Variants in CDC27 observed in about 807,000 individuals in gnomAD.
The protein encoded by CDC27 is cell division cycle protein 27 homolog.
In CDC27, 27 loss-of-function variants were observed where a neutral mutation model predicts 109.7. The observed-to-expected ratio is 0.25, with a 90% CI of 0.18 to 0.34. The LOEUF (loss-of-function observed/expected upper bound fraction) is 0.34, where lower values mean the gene tolerates loss of function less well. Among genes scored for constraint, CDC27 ranks in the 10% least tolerant of loss-of-function variants. The pLI, the probability that CDC27 is intolerant of heterozygous loss-of-function variation, is 1.00. For missense variants in CDC27, 579 were observed against 960.2 expected, an observed-to-expected ratio of 0.60 and a Z score of 5.25; for synonymous variants, 266 against 333.9, an observed-to-expected ratio of 0.80 and a Z score of 2.22.
rs569276352 is a variant in CDC27, at chr17:47,174,057, G to A, written c.104-1993C>T. ...TGCAGTGAGCCGAGATCGTGCCACCGCATTCCAGCCTGGGTGACAGAGTGA... is the reference window on the plus strand; with the variant it reads ...TGCAGTGAGCCGAGATCGTGCCACCACATTCCAGCCTGGGTGACAGAGTGA... On this transcript the variant is annotated intron_variant, in intron 2 of 18. Transcript: ENST00000066544. Among the ~76,000 whole-genome samples the A allele has an allele frequency of 3.1e-3, 467 of 152,378 alleles. 3 individuals are homozygous for A. The highest frequency in any genetic ancestry group is 0.01 in the African/African-American group (431 of 41,590).
intron 4 of CDC27, among the ~76,000 whole-genome samples, chr17:47,160,473 G>A (rs974500465): frequency 5.3e-5 from 8 of 152,110 alleles, no homozygotes; most frequent in South Asian, 2.1e-4. Context: ...TGATCCACCC[G>A]CTTCAGCCTC....
intron 9 of CDC27, among the ~76,000 whole-genome samples, chr17:47,145,108 A>T (rs1473681335): frequency 6.6e-6 from 1 of 152,244 alleles, no homozygotes. Context: ...AAATGGAATA[A>T]ATTTATTCTC....
chr17:47,123,402 CTTTT>C (rs57868315), intron 17 of CDC27, among the ~76,000 whole-genome samples: 1 of 123,002 alleles, frequency 8.1e-6, no homozygotes, highest in Non-Finnish European at 1.7e-5. Flanking sequence ...TTTTTTTCTA[CTTTT>C]TTTTTTTTTT....
At chr17:47,171,802 G>C in intron 3 of CDC27, 115 bp downstream of exon 3, 1 of 677,456 alleles carries the variant, frequency 1.5e-6, no homozygotes, top group Non-Finnish European at 2.4e-6. Context: ...GAATGTTACT[G>C]AAATAGATGG....
chr17:47,136,953 T>C (rs80202554), intron 14 of CDC27, among the ~76,000 whole-genome samples, 199 bp downstream of exon 14: 1 of 152,222 alleles, frequency 6.6e-6, no homozygotes, highest in Non-Finnish European at 1.5e-5. Flanking sequence ...GGTATTCTAT[T>C]ATCATTAGTT....
rs144155421 is a variant in CDC27 at position 47,181,939 on chromosome 17, G to A, written c.28-302C>T. Among the ~76,000 whole-genome samples the A allele has an allele frequency of 1.7e-4, 26 of 152,172 alleles. No individual in the cohort carries two copies. In the East Asian group the frequency reaches 3.9e-3, roughly 23 times the overall value. On this transcript the variant is annotated intron_variant, in intron 1 of 18. Transcript: ENST00000066544. ...ACCAGTCTCCCCTTATAAACTGCTCGTCCCTAAAGATCCAGCTTAAATAAC... is the reference window on the plus strand; with the variant it reads ...ACCAGTCTCCCCTTATAAACTGCTCATCCCTAAAGATCCAGCTTAAATAAC...
intron 1 of CDC27, among the ~76,000 whole-genome samples, chr17:47,183,432 G>A (rs942526839): frequency 2.0e-5 from 3 of 152,158 alleles, no homozygotes; most frequent in African/African-American, 7.2e-5. Context: ...AGTAGTAAAT[G>A]ACTTAGCCCT....
chr17:47,135,403 A>G (rs1454925844), intron 14 of CDC27, among the ~76,000 whole-genome samples: 1 of 150,784 alleles, frequency 6.6e-6, no homozygotes, highest in African/African-American at 2.5e-5. Context: ...TCATGGCCAT[A>G]ACTAGATGAT....
chr17:47,156,374 G>A (rs981747545), intron 7 of CDC27, among the ~76,000 whole-genome samples: 6 of 151,812 alleles, frequency 4.0e-5, no homozygotes, highest in Non-Finnish European at 7.4e-5. Flanking sequence ...TCCTGACCTC[G>A]TGATCTGCCC....
intron 9 of CDC27, among the ~76,000 whole-genome samples, chr17:47,147,077 TA>T (rs1350916300): frequency 6.6e-6 from 1 of 151,564 alleles, no homozygotes; most frequent in Non-Finnish European, 1.5e-5. Flanking sequence ...AGAAAAAAAG[TA>T]AAATTTATAA....
intron 17 of CDC27, among the ~76,000 whole-genome samples, chr17:47,123,234 A>T (rs781529171): frequency 2.1e-4 from 32 of 152,100 alleles, no homozygotes; most frequent in Admixed American, 5.2e-4. Context: ...AGTGATTTTA[A>T]ATTGAGTTAT....
intron 9 of CDC27, among the ~76,000 whole-genome samples, chr17:47,148,154 G>A (rs2063034978): frequency 6.7e-6 from 1 of 149,922 alleles, no homozygotes. Flanking sequence ...GAGCCAGATT[G>A]TGCCACTGCA....
chr17:47,128,771 ATTT>A, intron 16 of CDC27, among the ~76,000 whole-genome samples: 1 of 139,770 alleles, frequency 7.2e-6, no homozygotes, highest in Admixed American at 7.2e-5. Flanking sequence ...TTAATTTTTA[ATTT>A]TTTTTTTTTT....
At position 47,133,427 on chromosome 17, in the gene CDC27, G is replaced by A. The variant is rs557128253; in HGVS notation, c.1914-1053C>T. 2.1e-3 allele frequency among the ~76,000 whole-genome samples: 303 copies of A among 142,330 alleles called. 3 individuals carry two copies. The highest frequency in any genetic ancestry group is 7.4e-3 in the African/African-American group (282 of 38,190). 93.4% of individuals were successfully genotyped at this position (142,330 alleles called of 152,430 possible). A position where few individuals can be genotyped will look rare whatever the true frequency, so the allele number is the denominator to read the frequency against. ...TGCTGGGACTACAGGTGTGAGTCAT[G>A]GTGCCAAGCTGTTTTTTTGTTTTTT... On this transcript the variant is annotated intron_variant, in intron 14 of 18. Transcript: ENST00000066544.
chr17:47,127,690 T>C (rs1378161406), intron 16 of CDC27, among the ~76,000 whole-genome samples: 3 of 151,942 alleles, frequency 2.0e-5, no homozygotes, highest in Non-Finnish European at 2.9e-5. Context: ...CGTGAGCCAC[T>C]GTGCCTGGCC....
chr17:47,170,926 C>T (rs11570468), intron 3 of CDC27: 16,434 of 152,022 alleles, frequency 0.11, 1,314 homozygotes, highest in East Asian at 0.47. Context: ...CATAGTGAGA[C>T]CCCATCTATA....
At chr17:47,152,842 T>A (rs1167035289) in intron 8 of CDC27, among the ~76,000 whole-genome samples, 1 of 152,238 alleles carries the variant, frequency 6.6e-6, no homozygotes, top group East Asian at 1.9e-4. Flanking sequence ...GTCCTGCCAC[T>A]TCATTTGCTG....
chr17:47,154,680 A>T lies in CDC27; in HGVS notation c.949T>A (p.Ser317Thr). The T allele has an allele frequency of 6.4e-7, 1 of 1,555,442 alleles. No individual in the cohort carries two copies. Among genetic ancestry groups the T allele is most frequent in the Admixed American group, 1.7e-5 (1 of 57,470 alleles). The change falls in exon 8 of 19, where the codon TCA becomes ACA. Residue 317 changes from serine (S) to threonine (T), a missense_variant. Physicochemically the swap from Ser to Thr is moderately conservative, Grantham distance 58. Around this residue, in one of 9 missense-constraint regions of CDC27, gnomAD observed 74 missense variants for 148.9 expected, o/e 0.50. Transcript: ENST00000066544. Reference protein sequence around the residue: ...VIDVPSTGAPSKKSVARIGQT... With the variant: ...VIDVPSTGAPTKKSVARIGQT... The stretch of plus-strand genomic sequence containing the variant: ...TTTTACATGGAAAATACCTTTTTTG[A>T]AGGGGCTCCGGTGGATGGCACATCA...
chr17:47,170,016 G>A lies in CDC27; in HGVS notation c.278C>T (p.Ser93Phe), dbSNP rs371549435. 28 of 1,549,948 alleles carry A rather than the reference G, an allele frequency of 1.8e-5. No individual in the cohort carries two copies. Among genetic ancestry groups the A allele is most frequent in the Middle Eastern group, 1.7e-4 (1 of 5,834 alleles). The change falls in exon 4 of 19, where the codon TCT (serine) becomes TTT (phenylalanine). Residue 93 changes from serine to phenylalanine, a missense_variant. By Grantham distance (155) the Ser-to-Phe change is radical. Transcript: ENST00000066544. The stretch of plus-strand genomic sequence containing the variant: ...TTTCTGCTTATTAAACACTCCACCA[G>A]ATAAGATTTGTTCCCCTTCTGCAAG... ...SKLAEGEQIL[S>F]GGVFNKQKSH...
Sources: allele counts gnomAD v4.1 joint callset (sites outside exome capture counted in the v4.1 genomes callset), GRCh38; gene constraint gnomAD v4.1.1; regional missense constraint gnomAD v4.1.1; transcripts MANE v1.5; gene names NCBI Gene and HGNC (gene_info 2026-07-23, HGNC 2026-07-21).